TMEFF2: variants seen among roughly 807,000 people sequenced by gnomAD.
TMEFF2 encodes tomoregulin-2.
In TMEFF2, 28 loss-of-function variants were observed where a neutral mutation model predicts 53.8. The ratio of observed to expected loss-of-function variants is 0.52; its 90% CI spans 0.39 to 0.71. TMEFF2 has a LOEUF of 0.71. Ranked by LOEUF, TMEFF2 falls within the 30% of genes least tolerant of loss-of-function variation. The pLI is 0.00. For synonymous variants in TMEFF2, 162 were observed against 166.3 expected (o/e 0.97, Z 0.20); for missense variants, 353 against 455.2 (o/e 0.78, Z 2.04).
Position 191,949,106 on chromosome 2 carries a change from A to G in TMEFF2, c.*1205T>C. 2 of 985,272 alleles carry G rather than the reference A, an allele frequency of 2.0e-6. No individual in the cohort carries two copies. Among genetic ancestry groups the G allele is most frequent in the Non-Finnish European group, 2.4e-6 (2 of 829,812 alleles). The allele number at this position is 985,272 out of a possible 1,614,324, so 61.0% of individuals were successfully genotyped here. A position where few individuals can be genotyped will look rare whatever the true frequency, so the allele number is the denominator to read the frequency against. On this transcript the variant is annotated 3_prime_UTR_variant, in exon 10 of 10. Transcript: ENST00000272771. ...CTGTGTTAGCCATGGAAAGCTTTGC[A>G]GAGCTAAATGATAATAATTGATTTA...
chr2:192,034,073 G>T (rs1687216288), intron 5 of TMEFF2, among the ~76,000 whole-genome samples: 2 of 151,518 alleles, frequency 1.3e-5, no homozygotes, highest in Non-Finnish European at 2.9e-5. Flanking sequence ...TACTCAGGAG[G>T]CTGAGGAAGG....
At chr2:192,168,227 T>G (rs1690817708) in intron 4 of TMEFF2, among the ~76,000 whole-genome samples, 1 of 152,136 alleles carries the variant, frequency 6.6e-6, no homozygotes, top group Admixed American at 6.6e-5. Context: ...AGCATTTTAT[T>G]TTCCAAGTAA....
Position 191,964,390 on chromosome 2 carries a change from CTTTCTTTCTCTT to C in TMEFF2, c.746-8024_746-8013del, listed in dbSNP as rs1224968013. Among the ~76,000 whole-genome samples the C allele has an allele frequency of 7.9e-4, 26 of 32,902 alleles. No homozygotes were observed. The East Asian group carries it at 0.029, about 37-fold the overall frequency. The allele number at this position is 32,902 out of a possible 152,430, so 21.6% of individuals were successfully genotyped here. Reference sequence around the variant, plus strand: ...TTTCTTTCTCTTTCTTTCTTTCTTTCTTTCTTTCTCTTTCTTTCTTTCTTTCTTTCTTTCTTT... The same window carrying C: ...TTTCTTTCTCTTTCTTTCTTTCTTTCTCTTTCTTTCTTTCTTTCTTTCTTT... On this transcript the variant is annotated intron_variant, in intron 7 of 9. Coordinates refer to ENST00000272771, the MANE Select transcript of TMEFF2 (RefSeq NM_016192.4).
chr2:192,087,492 T>C (rs952371807), intron 4 of TMEFF2, among the ~76,000 whole-genome samples: 4 of 152,090 alleles, frequency 2.6e-5, no homozygotes, highest in Non-Finnish European at 2.9e-5. Flanking sequence ...GCTGCAAGAA[T>C]TACCTGAGGG....
chr2:191,951,184 T>C (rs1018569861), intron 9 of TMEFF2, among the ~76,000 whole-genome samples: 1 of 152,100 alleles, frequency 6.6e-6, no homozygotes, highest in African/African-American at 2.4e-5. Context: ...TGTGTATGTA[T>C]GTGTATATAA....
At chr2:192,171,674 T>G (rs1014425337) in intron 4 of TMEFF2, among the ~76,000 whole-genome samples, 2 of 151,978 alleles carry the variant, frequency 1.3e-5, no homozygotes, top group African/African-American at 4.8e-5. Flanking sequence ...TGCAGTTCCC[T>G]TTGCCTGCAA....
At chr2:192,018,947 T>C (rs1260606337) in intron 5 of TMEFF2, among the ~76,000 whole-genome samples, 1 of 152,080 alleles carries the variant, frequency 6.6e-6, no homozygotes, top group Non-Finnish European at 1.5e-5. Context: ...ACAATCATAT[T>C]AATATTATTA....
At chr2:191,953,951 G>T in intron 8 of TMEFF2, 114 bp from the exon 9 acceptor site, 7 of 904,590 alleles carry the variant, frequency 7.7e-6, no homozygotes, top group Non-Finnish European at 1.1e-5. Flanking sequence ...GTGCAGTGGC[G>T]CATCTCGGCT....
chr2:192,117,248 G>A (rs1418309263), intron 4 of TMEFF2, among the ~76,000 whole-genome samples: 3 of 152,074 alleles, frequency 2.0e-5, no homozygotes, highest in East Asian at 1.9e-4. Context: ...GAAACTATAC[G>A]TGATACTAGA....
chr2:192,150,986 G>A (rs1327196877), intron 4 of TMEFF2, among the ~76,000 whole-genome samples: 1 of 151,748 alleles, frequency 6.6e-6, no homozygotes, highest in Non-Finnish European at 1.5e-5. Flanking sequence ...TAATCCCCAT[G>A]TGTCGAGGGA....
At chr2:192,155,161 A>G (rs540545737) in intron 4 of TMEFF2, among the ~76,000 whole-genome samples, 243 of 152,118 alleles carry the variant, frequency 1.6e-3, no homozygotes, top group African/African-American at 5.1e-3. Flanking sequence ...CATTTAGACA[A>G]CAATAAAATA....
intron 5 of TMEFF2, among the ~76,000 whole-genome samples, chr2:192,004,364 G>T (rs1451866713): frequency 6.6e-6 from 1 of 152,152 alleles, no homozygotes; most frequent in East Asian, 1.9e-4. Flanking sequence ...CACCAGGCAG[G>T]CTACTACTTC....
intron 4 of TMEFF2, among the ~76,000 whole-genome samples, chr2:192,075,856 AT>A (rs1370850943): frequency 2.0e-5 from 3 of 152,070 alleles, no homozygotes; most frequent in African/African-American, 4.8e-5. Flanking sequence ...CTAAGGATGC[AT>A]TTCATTTTTC....
chr2:192,190,630 A>T (rs1691439549), intron 2 of TMEFF2, among the ~76,000 whole-genome samples: 1 of 152,176 alleles, frequency 6.6e-6, no homozygotes, highest in South Asian at 2.1e-4. Context: ...AGCACTACTT[A>T]CCCACCAGGA....
At chr2:192,095,151 TTC>T (rs1688874983) in intron 4 of TMEFF2, among the ~76,000 whole-genome samples, 1 of 152,188 alleles carries the variant, frequency 6.6e-6, no homozygotes, top group Non-Finnish European at 1.5e-5. Context: ...CAGCTTTCCT[TTC>T]TGTGTAGACT....
intron 4 of TMEFF2, among the ~76,000 whole-genome samples, chr2:192,120,737 A>G (rs1382094979): frequency 6.6e-6 from 1 of 151,976 alleles, no homozygotes; most frequent in Non-Finnish European, 1.5e-5. Flanking sequence ...TTTATTGAAT[A>G]AACATTTTTT....
At chr2:192,033,901 C>T (rs1224587603) in intron 5 of TMEFF2, among the ~76,000 whole-genome samples, 2 of 151,894 alleles carry the variant, frequency 1.3e-5, no homozygotes, top group South Asian at 2.1e-4. Context: ...TTTGGCCAGG[C>T]ATGGTGGCTC....
At chr2:192,093,823 A>T (rs1161087648) in intron 4 of TMEFF2, among the ~76,000 whole-genome samples, 1 of 55,374 alleles carries the variant, frequency 1.8e-5, no homozygotes, top group African/African-American at 3.5e-5. Flanking sequence ...TATATTTCTT[A>T]AAAAAAAAAG....
chr2:191,971,914 T>C (rs77916500), intron 7 of TMEFF2, among the ~76,000 whole-genome samples: 1,801 of 152,140 alleles, frequency 0.012, 12 homozygotes, highest in Non-Finnish European at 0.018. Context: ...AAAAGTCATA[T>C]TGAGGAAAGG....
Sources: allele counts gnomAD v4.1 joint callset (sites outside exome capture counted in the v4.1 genomes callset), GRCh38; gene constraint gnomAD v4.1.1; transcripts MANE v1.5; gene names NCBI Gene and HGNC (gene_info 2026-07-23, HGNC 2026-07-21).